ZFHX3: variants seen among roughly 807,000 people sequenced by gnomAD.
ZFHX3 encodes zinc finger homeobox 3.
ZFHX3 carries 42 observed loss-of-function variants against 279.1 expected under a neutral mutation model. The ratio of observed to expected loss-of-function variants is 0.15; its 90% CI spans 0.12 to 0.19. The LOEUF is 0.19. Among genes scored for constraint, ZFHX3 ranks in the 10% least tolerant of loss-of-function variants. The probability of loss-of-function intolerance (pLI) is 1.00; values close to 1 mark genes in which losing one functional copy is unlikely to be tolerated. For synonymous variants in ZFHX3, 2,293 were observed against 1,957.8 expected (o/e 1.17, Z -4.52); for missense variants, 4,981 against 4,754.0 (o/e 1.05, Z -1.40).
intron 2 of ZFHX3, among the ~76,000 whole-genome samples, chr16:73,515,961 G>A (rs986402718): frequency 1.3e-5 from 2 of 152,162 alleles, no homozygotes; most frequent in African/African-American, 4.8e-5. Flanking sequence ...ATTGGTCATT[G>A]CCATTCATGG....
At chr16:73,792,646 C>T (rs1192081842) in intron 1 of ZFHX3, among the ~76,000 whole-genome samples, 1 of 152,122 alleles carries the variant, frequency 6.6e-6, no homozygotes, top group East Asian at 1.9e-4. Flanking sequence ...AATTGTGGAC[C>T]TAAGGGCTGA....
At chr16:73,003,628 C>G (rs1194828359) in intron 1 of ZFHX3, among the ~76,000 whole-genome samples, 1 of 150,946 alleles carries the variant, frequency 6.6e-6, no homozygotes, top group East Asian at 1.9e-4. Flanking sequence ...GTCGCCTGAA[C>G]CAGGGAGGCA....
chr16:73,740,120 A>C (rs2053642566), intron 1 of ZFHX3, among the ~76,000 whole-genome samples: 1 of 152,166 alleles, frequency 6.6e-6, no homozygotes, highest in South Asian at 2.1e-4. Flanking sequence ...ATTTAATTAA[A>C]TGTCAACCCC....
At chr16:73,091,617 A>G (rs1017881192) in intron 8 of ZFHX3, among the ~76,000 whole-genome samples, 2 of 152,160 alleles carry the variant, frequency 1.3e-5, no homozygotes, top group East Asian at 1.9e-4. Flanking sequence ...CTGATATTTG[A>G]TATTATGACC....
intron 2 of ZFHX3, among the ~76,000 whole-genome samples, chr16:73,525,101 C>A (rs1597369471): frequency 6.6e-6 from 1 of 152,118 alleles, no homozygotes; most frequent in Non-Finnish European, 1.5e-5. Flanking sequence ...AGAAAGAGAC[C>A]AGGGCAAACC....
At chr16:73,321,654 C>A (rs961416385) in intron 3 of ZFHX3, among the ~76,000 whole-genome samples, 4 of 152,338 alleles carry the variant, frequency 2.6e-5, no homozygotes, top group African/African-American at 9.6e-5. Context: ...TATTCCAGAA[C>A]CTTCTTCTCT....
intron 1 of ZFHX3, among the ~76,000 whole-genome samples, chr16:72,979,632 C>T (rs1371579706): frequency 2.6e-5 from 4 of 152,200 alleles, no homozygotes; most frequent in South Asian, 2.1e-4. Context: ...ACATGGACCC[C>T]GAAATCAATG....
intron 3 of ZFHX3, among the ~76,000 whole-genome samples, chr16:73,363,207 C>T (rs2016464426): frequency 6.6e-6 from 1 of 152,230 alleles, no homozygotes; most frequent in Non-Finnish European, 1.5e-5. Context: ...CTGAGCCTGG[C>T]TCAGGGCAGC....
rs762647934 is a variant in ZFHX3 at position 72,797,622 on chromosome 16, C to G, written c.5060G>C (p.Ser1687Thr). 1.1e-5 allele frequency: 18 copies of G among 1,614,198 alleles called. No homozygotes were observed. The highest frequency in any genetic ancestry group is 1.4e-5 in the Non-Finnish European group (17 of 1,180,034). The part of the protein sequence containing the change: ...SNLLSQVPTE[S>T]VGMPPLGNPI... ...ATTCCCCAGGGGTGGCATCCCTACA[C>G]TCTCAGTGGGCACTTGGCTTAGTAA... is the stretch of plus-strand genomic sequence containing the variant. The change falls in exon 9 of 10, where the codon AGT (serine) becomes ACT (threonine). Residue 1687 changes from serine (S) to threonine (T), a missense_variant. This residue lies in a region of ZFHX3 where 1,751 missense variants were observed against 1,770.0 expected (regional missense o/e 0.99). Transcript: ENST00000268489.
At chr16:73,546,866 T>A (rs1001600816) in intron 2 of ZFHX3, among the ~76,000 whole-genome samples, 1 of 152,014 alleles carries the variant, frequency 6.6e-6, no homozygotes, top group Non-Finnish European at 1.5e-5. Context: ...GATTCACATG[T>A]TTTATTTATT....
At chr16:73,030,208 G>A (rs1964647427) in intron 1 of ZFHX3, among the ~76,000 whole-genome samples, 1 of 152,216 alleles carries the variant, frequency 6.6e-6, no homozygotes, top group Admixed American at 6.5e-5. Flanking sequence ...GGGCAAGAGT[G>A]GCCTGGAGAC....
chr16:73,174,652 A>G (rs1164663027), intron 5 of ZFHX3, among the ~76,000 whole-genome samples: 1 of 151,842 alleles, frequency 6.6e-6, no homozygotes. Context: ...TGCCTTCTAA[A>G]TGGTCCCCAC....
At chr16:73,382,703 C>T (rs761807746) in intron 3 of ZFHX3, among the ~76,000 whole-genome samples, 2 of 152,208 alleles carry the variant, frequency 1.3e-5, no homozygotes, top group Non-Finnish European at 2.9e-5. Context: ...CCATACCCCG[C>T]TATGGAATCT....
At chr16:73,792,324 C>A (rs954377546) in intron 1 of ZFHX3, among the ~76,000 whole-genome samples, 2 of 152,128 alleles carry the variant, frequency 1.3e-5, no homozygotes, top group African/African-American at 4.8e-5. Flanking sequence ...CCATGTGAGT[C>A]CAATGTCACC....
chr16:73,314,950 G>T (rs2015408161), intron 4 of ZFHX3, among the ~76,000 whole-genome samples: 1 of 152,202 alleles, frequency 6.6e-6, no homozygotes, highest in Admixed American at 6.5e-5. Context: ...AATTCAGGCT[G>T]GGCGTGATGG....
At chr16:73,814,226 C>T (rs953894054) in intron 1 of ZFHX3, among the ~76,000 whole-genome samples, 3 of 152,180 alleles carry the variant, frequency 2.0e-5, no homozygotes, top group Non-Finnish European at 4.4e-5. Context: ...CTCCCACCCC[C>T]ACCATTGTCA....
intron 2 of ZFHX3, among the ~76,000 whole-genome samples, chr16:73,586,057 G>A (rs1345158390): frequency 6.6e-6 from 1 of 151,592 alleles, no homozygotes; most frequent in Non-Finnish European, 1.5e-5. Context: ...AAATAGACAG[G>A]GACTACAACT....
chr16:72,850,699 C>T (rs1017637945), intron 4 of ZFHX3, among the ~76,000 whole-genome samples: 4 of 152,084 alleles, frequency 2.6e-5, no homozygotes, highest in Non-Finnish European at 5.9e-5. Flanking sequence ...GATGCCTCCC[C>T]CTAAGATGTG....
intron 6 of ZFHX3, among the ~76,000 whole-genome samples, chr16:73,142,993 G>A (rs1204316327): frequency 1.3e-5 from 2 of 152,174 alleles, no homozygotes; most frequent in Non-Finnish European, 2.9e-5. Flanking sequence ...CTTCTTTCAG[G>A]TGGAGTTTTA....
Sources: gnomAD v4.1 joint callset for allele counts (sites outside exome capture counted in the v4.1 genomes callset) on GRCh38, gnomAD v4.1.1 for gene constraint, gnomAD v4.1.1 regional missense constraint, MANE v1.5 for transcripts, NCBI Gene and HGNC (gene_info 2026-07-23, HGNC 2026-07-21) for gene names.